Variants in USP9Y observed in about 807,000 individuals in gnomAD.
USP9Y encodes ubiquitin specific peptidase 9 Y-linked, also known as ubiquitin carboxyl-terminal hydrolase 9Y.
A neutral mutation model predicts 53.1 loss-of-function variants in USP9Y; 41 were observed. The observed-to-expected ratio is 0.77, with a 90% CI of 0.60 to 1.00. The LOEUF is 1.00. Among genes scored for constraint, USP9Y ranks in the 50% least tolerant of loss-of-function variants. The pLI, the probability that USP9Y is intolerant of heterozygous loss-of-function variation, is 0.00. For synonymous variants in USP9Y, 220 were observed against 173.7 expected (o/e 1.27, Z -2.09); for missense variants, 567 against 535.8 (o/e 1.06, Z -0.58).
chrY:12,719,696 T>C (rs2053433490), intron 3 of USP9Y, among the ~76,000 whole-genome samples: 1 of 32,957 alleles, frequency 3.0e-5, no homozygotes, highest in Non-Finnish European at 7.4e-5. Context: ...AGGTTTATTA[T>C]GAATGTATTT....
intron 44 of USP9Y, 86 bp from the exon 45 acceptor site, chrY:12,857,480 G>C: frequency 8.0e-6 from 2 of 249,406 alleles, no homozygotes; most frequent in African/African-American, 7.4e-5. Context: ...TTTTTTAAAA[G>C]TTTATTCTAA....
chrY:12,833,606 G>A, intron 33 of USP9Y, 82 bp from the exon 34 acceptor site: 2 of 308,392 alleles, frequency 6.5e-6, no homozygotes, highest in Non-Finnish European at 9.9e-6. Context: ...GCTTATGTTT[G>A]TCATTGTTAT....
intron 16 of USP9Y, among the ~76,000 whole-genome samples, chrY:12,772,638 G>C (rs2053486832): frequency 3.3e-5 from 1 of 29,904 alleles, no homozygotes; most frequent in African/African-American, 1.3e-4. Flanking sequence ...GGTGGCACAC[G>C]CCTGTAATCC....
intron 15 of USP9Y, 146 bp from the exon 16 acceptor site, chrY:12,770,922 G>T: frequency 6.9e-6 from 1 of 145,173 alleles, no homozygotes; most frequent in South Asian, 5.5e-5. Flanking sequence ...CTGTATTTTT[G>T]TGGGAGTAAA....
At chrY:12,801,899 G>C (rs2053519555) in intron 27 of USP9Y, 2 of 34,065 alleles carry the variant, frequency 5.9e-5, no homozygotes, top group Non-Finnish European at 1.5e-4. Flanking sequence ...TATGAGGCTG[G>C]ATTAGGGCGT....
At chrY:12,836,341 A>C in intron 34 of USP9Y, among the ~76,000 whole-genome samples, 1 of 33,663 alleles carries the variant, frequency 3.0e-5, no homozygotes, top group Admixed American at 2.7e-4. Context: ...TTAAACAGAT[A>C]ATATGTATCA....
chrY:12,833,879 T>C lies in USP9Y; in HGVS notation c.5195+18T>C. The C allele has an allele frequency of 2.6e-6, 1 of 388,454 alleles. No homozygotes were observed. Among genetic ancestry groups the C allele is most frequent in the Non-Finnish European group, 3.6e-6 (1 of 276,752 alleles). ...CCACATAGGTAAGTGCTAATTATGT[T>C]TTTAATGTATACTTCGTGTTGTTTT... On this transcript the variant is annotated intron_variant, in intron 34 of 45. Transcript: ENST00000338981.
intron 1 of USP9Y, among the ~76,000 whole-genome samples, chrY:12,706,724 G>T (rs371154480): frequency 2.1e-4 from 7 of 33,343 alleles, no homozygotes; most frequent in African/African-American, 8.2e-4. Context: ...TTTTGAATGA[G>T]AATTTTTATG....
intron 14 of USP9Y, among the ~76,000 whole-genome samples, 173 bp from the exon 15 acceptor site, chrY:12,760,311 A>AT (rs2053474051): frequency 3.0e-5 from 1 of 33,887 alleles, no homozygotes; most frequent in Non-Finnish European, 7.3e-5. Flanking sequence ...CATGGATTAT[A>AT]TTTTTTACAG....
At position 12,856,429 on chromosome Y, in the gene USP9Y, C is replaced by T. The variant is rs748086618; in HGVS notation, c.7154C>T (p.Ala2385Val). Residue 2385 changes from alanine (A) to valine (V), a missense_variant, in exon 43 of 46, where the codon GCA becomes GTA. By Grantham distance (64) the Ala-to-Val change is moderately conservative (BLOSUM62 0). Transcript: ENST00000338981. ...QRSKNHYQKR[A>V]YQCIKCMVAL... ...TCGAAGAATCACTATCAAAAACGAG[C>T]ATATCAGTGCATAAAATGTATGGTA... 1 of 397,572 alleles carries T rather than the reference C, an allele frequency of 2.5e-6. No individual in the cohort carries two copies. The highest frequency in any genetic ancestry group is 3.0e-5 in the South Asian group (1 of 33,717).
chrY:12,805,016 T>G, intron 27 of USP9Y, among the ~76,000 whole-genome samples: 8 of 33,241 alleles, frequency 2.4e-4, no homozygotes, highest in African/African-American at 9.4e-4. Flanking sequence ...TCATGACTAG[T>G]GACTTCTCTT....
intron 12 of USP9Y, among the ~76,000 whole-genome samples, chrY:12,745,110 A>G (rs1051858401): frequency 2.9e-5 from 1 of 34,138 alleles, no homozygotes; most frequent in Non-Finnish European, 7.3e-5. Flanking sequence ...CAGATATGTG[A>G]TAAGTTTGGA....
chrY:12,813,177 TTTAG>T lies in USP9Y; in HGVS notation c.4609+126_4609+129del, dbSNP rs1569391349. The T allele has an allele frequency of 1.7e-4, 29 of 174,385 alleles. No individual in the cohort carries two copies. The East Asian group carries it at 3.2e-3, about 19-fold the overall frequency. 43.5% of individuals were successfully genotyped at this position (174,385 alleles called of 400,897 possible). Reference sequence around the variant, plus strand: ...TTTTGATCCAATGAGTTTAACATTTTTTAGCTGTCAGTTATACAATTAAAACCAC... The same window carrying T: ...TTTTGATCCAATGAGTTTAACATTTTCTGTCAGTTATACAATTAAAACCAC... On this transcript the variant is annotated intron_variant, in intron 31 of 45. Transcript: ENST00000338981.
At position 12,840,610 on chromosome Y, in the gene USP9Y, T is replaced by C; in HGVS notation, c.6084T>C (p.Ala2028=). 1 of 395,309 alleles carries C rather than the reference T, an allele frequency of 2.5e-6. No homozygotes were observed. Among genetic ancestry groups the C allele is most frequent in the Non-Finnish European group, 3.5e-6 (1 of 282,810 alleles). Residue 2028 remains alanine (A), a synonymous_variant, in exon 36 of 46, where the codon GCT becomes GCC. Coordinates refer to ENST00000338981, the MANE Select transcript of USP9Y (RefSeq NM_004654.4). ...GTAATGGTGTTTATTTAAACCCTGC[T>C]CCAGGTAAGCTTTGAAAGTAGCTTC... is the stretch of plus-strand genomic sequence containing the variant. ...LTCNGVYLNP[A]PGQDYLLPEA...
At position 12,791,484 on chromosome Y, in the gene USP9Y, A is replaced by C. The variant is rs372946968; in HGVS notation, c.3688-15A>C. 4 of 390,043 alleles carry C rather than the reference A, an allele frequency of 1.0e-5. No homozygotes were observed. The Admixed American group carries it at 2.3e-4, about 22-fold the overall frequency. ...GTTCTGCCAGCACTTTTAATTATTTATTTCTTTTCTGCAGGCTTCAAGATA... is the reference window on the plus strand; with the variant it reads ...GTTCTGCCAGCACTTTTAATTATTTCTTTCTTTTCTGCAGGCTTCAAGATA... On this transcript the variant is annotated splice_polypyrimidine_tract_variant and intron_variant, in intron 25 of 45. Transcript: ENST00000338981.
intron 11 of USP9Y, among the ~76,000 whole-genome samples, chrY:12,738,842 A>G (rs2053454504): frequency 3.0e-5 from 1 of 33,510 alleles, no homozygotes; most frequent in African/African-American, 1.2e-4. Flanking sequence ...GCTTGGCCAT[A>G]CATGGTTTTA....
At chrY:12,768,213 G>T in intron 15 of USP9Y, among the ~76,000 whole-genome samples, 1 of 33,021 alleles carries the variant, frequency 3.0e-5, no homozygotes, top group African/African-American at 1.2e-4. Context: ...GCTCACTCAG[G>T]AGTTTAGAAT....
Position 12,856,776 on chromosome Y carries a change from T to C in USP9Y, c.7365T>C (p.Gly2455=). 2.5e-6 allele frequency: 1 copy of C among 397,503 alleles called. No individual in the cohort carries two copies. Among genetic ancestry groups the C allele is most frequent in the Non-Finnish European group, 3.5e-6 (1 of 283,074 alleles). ...TACAAAGCAATGAAACAGCAAATGG[T>C]TATTTCTTAGAAAGATCACATAGTG... ...PPVQSNETAN[G]YFLERSHSAR... Residue 2455 remains glycine, a synonymous_variant, in exon 44 of 46, where the codon GGT becomes GGC. Coordinates refer to ENST00000338981, the MANE Select transcript of USP9Y (RefSeq NM_004654.4).
intron 3 of USP9Y, among the ~76,000 whole-genome samples, chrY:12,720,015 T>A: frequency 3.0e-5 from 1 of 32,841 alleles, no homozygotes; most frequent in Non-Finnish European, 7.5e-5. Flanking sequence ...CTCAATCTCC[T>A]GACCTCATGA....
Sources: gnomAD v4.1 joint callset for allele counts (sites outside exome capture counted in the v4.1 genomes callset) on GRCh38, gnomAD v4.1.1 for gene constraint, MANE v1.5 for transcripts, NCBI Gene and HGNC (gene_info 2026-07-23, HGNC 2026-07-21) for gene names.